ARHGAP24: variants seen among roughly 807,000 people sequenced by gnomAD.
ARHGAP24 encodes the protein rho GTPase-activating protein 24.
In ARHGAP24, 50 loss-of-function variants were observed where a neutral mutation model predicts 76.4. That is an observed-to-expected ratio of 0.65 (90% confidence interval 0.52 to 0.83). ARHGAP24 has a LOEUF of 0.83. Among genes scored for constraint, ARHGAP24 ranks in the 40% least tolerant of loss-of-function variants. The pLI is 0.00. For missense variants in ARHGAP24, 930 were observed against 914.2 expected (o/e 1.02, Z -0.22); for synonymous variants, 345 against 323.3 (o/e 1.07, Z -0.72).
chr4:85,555,073 CT>C (rs932016979), intron 1 of ARHGAP24, among the ~76,000 whole-genome samples: 1 of 152,184 alleles, frequency 6.6e-6, no homozygotes, highest in Non-Finnish European at 1.5e-5. Context: ...TGACTTTCTC[CT>C]GAATCTTGAT....
chr4:85,775,631 T>A (rs1234941190), intron 3 of ARHGAP24, among the ~76,000 whole-genome samples: 1 of 151,770 alleles, frequency 6.6e-6, no homozygotes, highest in Non-Finnish European at 1.5e-5. Context: ...CTGGGAATTA[T>A]GGAGCTACAA....
intron 2 of ARHGAP24, among the ~76,000 whole-genome samples, chr4:85,608,428 G>A (rs2109993495): frequency 1.3e-5 from 2 of 151,852 alleles, no homozygotes; most frequent in Admixed American, 6.6e-5. Flanking sequence ...ATATAGCCTA[G>A]TCTCTGTGAG....
chr4:85,691,844 G>T (rs940712815), intron 2 of ARHGAP24, among the ~76,000 whole-genome samples: 1 of 152,084 alleles, frequency 6.6e-6, no homozygotes, highest in Admixed American at 6.6e-5. Flanking sequence ...TACTTTCAGG[G>T]TTAGTATTTA....
At chr4:85,671,015 A>G (rs1360624173) in intron 2 of ARHGAP24, among the ~76,000 whole-genome samples, 1 of 152,204 alleles carries the variant, frequency 6.6e-6, no homozygotes, top group East Asian at 1.9e-4. Flanking sequence ...GTCACACTCA[A>G]TTGAGCACAA....
At chr4:85,527,610 C>G (rs1186262957) in intron 1 of ARHGAP24, among the ~76,000 whole-genome samples, 1 of 152,046 alleles carries the variant, frequency 6.6e-6, no homozygotes, top group African/African-American at 2.4e-5. Flanking sequence ...TGAACTGTTT[C>G]ACTCATCTCT....
chr4:85,497,779 C>A lies in ARHGAP24; in HGVS notation c.-21+22220C>A, dbSNP rs968532643. Among the ~76,000 whole-genome samples the A allele has an allele frequency of 4.6e-5, 7 of 152,178 alleles. No homozygotes were observed. In the East Asian group the frequency reaches 1.4e-3, roughly 29 times the overall value. ...AGGTTGCGGTGAGCCAAGATCGTGC[C>A]ATTGCACTCCAGTCTGGGTGACAAG... is the stretch of plus-strand genomic sequence containing the variant. On this transcript the variant is annotated intron_variant, in intron 1 of 9. Coordinates refer to ENST00000395184, the MANE Select transcript of ARHGAP24 (RefSeq NM_001025616.3).
At chr4:85,584,312 A>T (rs2109974781) in intron 2 of ARHGAP24, among the ~76,000 whole-genome samples, 2 of 152,240 alleles carry the variant, frequency 1.3e-5, no homozygotes, top group Non-Finnish European at 2.9e-5. Flanking sequence ...GAAATTGGAA[A>T]TCATCATTCT....
intron 1 of ARHGAP24, among the ~76,000 whole-genome samples, chr4:85,553,183 CG>C (rs1005678543): frequency 6.6e-6 from 1 of 152,074 alleles, no homozygotes; most frequent in East Asian, 1.9e-4. Flanking sequence ...CAGACATTCT[CG>C]GTGAGTGTTA....
chr4:85,728,592 C>T (rs1427872737), intron 3 of ARHGAP24, among the ~76,000 whole-genome samples: 2 of 152,132 alleles, frequency 1.3e-5, no homozygotes, highest in Admixed American at 6.5e-5. Flanking sequence ...TGCACATTTA[C>T]AGAAGAACTT....
At chr4:85,589,845 A>AT (rs916147359) in intron 2 of ARHGAP24, among the ~76,000 whole-genome samples, 9 of 152,194 alleles carry the variant, frequency 5.9e-5, no homozygotes, top group African/African-American at 1.9e-4. Context: ...TAAAATATGG[A>AT]TTTTTTATTT....
chr4:85,664,573 CT>C (rs1280139834), intron 2 of ARHGAP24, among the ~76,000 whole-genome samples: 1 of 150,292 alleles, frequency 6.7e-6, no homozygotes, highest in Non-Finnish European at 1.5e-5. Flanking sequence ...TGTGTTTGCT[CT>C]TGCTTTTCTA....
At chr4:85,859,481 A>G (rs1471943536) in intron 3 of ARHGAP24, among the ~76,000 whole-genome samples, 2 of 152,180 alleles carry the variant, frequency 1.3e-5, no homozygotes, top group East Asian at 1.9e-4. Context: ...GAGTATCAAC[A>G]TATTTTAGTA....
chr4:85,749,919 G>A (rs1251345595), intron 3 of ARHGAP24, among the ~76,000 whole-genome samples: 1 of 152,012 alleles, frequency 6.6e-6, no homozygotes, highest in African/African-American at 2.4e-5. Context: ...AAAGAACAGT[G>A]AGTTCAGAGT....
chr4:85,964,662 G>A (rs1174245499), intron 5 of ARHGAP24, among the ~76,000 whole-genome samples: 1 of 152,110 alleles, frequency 6.6e-6, no homozygotes, highest in Non-Finnish European at 1.5e-5. Flanking sequence ...ATTAGTCAGA[G>A]ATAGAAAATT....
chr4:85,543,074 C>T (rs1010409521), intron 1 of ARHGAP24, among the ~76,000 whole-genome samples: 5 of 152,156 alleles, frequency 3.3e-5, no homozygotes, highest in South Asian at 2.1e-4. Flanking sequence ...GAGGCAAGGA[C>T]GAGCACTGCA....
chr4:85,730,913 T>G, intron 3 of ARHGAP24, among the ~76,000 whole-genome samples: 1 of 151,436 alleles, frequency 6.6e-6, no homozygotes, highest in East Asian at 1.9e-4. Context: ...TATTTAATAT[T>G]TACTGAAATA....
chr4:85,848,061 C>T (rs992192637), intron 3 of ARHGAP24, among the ~76,000 whole-genome samples: 42 of 152,268 alleles, frequency 2.8e-4, no homozygotes, highest in African/African-American at 9.1e-4. Flanking sequence ...TTTCACCACA[C>T]AATCTATACA....
intron 1 of ARHGAP24, among the ~76,000 whole-genome samples, chr4:85,510,567 C>A (rs538184316): frequency 8.8e-5 from 13 of 147,294 alleles, no homozygotes; most frequent in Non-Finnish European, 1.5e-4. Flanking sequence ...TATCTCTTTC[C>A]TTCTCCTTCT....
chr4:85,751,761 G>A (rs1208005682), intron 3 of ARHGAP24, among the ~76,000 whole-genome samples: 1 of 152,192 alleles, frequency 6.6e-6, no homozygotes, highest in African/African-American at 2.4e-5. Flanking sequence ...TTGGATGAAA[G>A]CACCATTATA....
Sources: gnomAD v4.1 joint callset for allele counts (sites outside exome capture counted in the v4.1 genomes callset) on GRCh38, gnomAD v4.1.1 for gene constraint, MANE v1.5 for transcripts, NCBI Gene and HGNC (gene_info 2026-07-23, HGNC 2026-07-21) for gene names.